Variants in UNC80 observed in about 807,000 individuals in gnomAD.
UNC80 encodes protein unc-80 homolog.
A neutral mutation model predicts 384.6 loss-of-function variants in UNC80; 164 were observed. That is an observed-to-expected ratio of 0.43 (90% CI 0.38 to 0.49). The LOEUF (loss-of-function observed/expected upper bound fraction) is 0.49. Among genes scored for constraint, UNC80 ranks in the 20% least tolerant of loss-of-function variants. The pLI is 0.00. For synonymous variants in UNC80, 1,486 were observed against 1,527.8 expected (o/e 0.97, Z 0.64); for missense variants, 3,330 against 4,143.0 (o/e 0.80, Z 5.39).
chr2:209,989,769 T>C (rs2093358618), intron 61 of UNC80, among the ~76,000 whole-genome samples: 1 of 152,202 alleles, frequency 6.6e-6, no homozygotes, highest in Non-Finnish European at 1.5e-5. Context: ...GGAGAGAAGC[T>C]AAACTGAAAC....
chr2:209,923,138 G>A (rs2090164110), intron 35 of UNC80, among the ~76,000 whole-genome samples: 1 of 152,182 alleles, frequency 6.6e-6, no homozygotes, highest in Non-Finnish European at 1.5e-5. Context: ...AGGCTGAGAA[G>A]CGAGTGTCTT....
At chr2:209,930,351 C>T (rs2090757333) in intron 37 of UNC80, among the ~76,000 whole-genome samples, 1 of 152,016 alleles carries the variant, frequency 6.6e-6, no homozygotes, top group African/African-American at 2.4e-5. Context: ...GTCAGACCAC[C>T]TTGTAAGAAG....
At chr2:209,874,045 C>G (rs2084549227) in intron 23 of UNC80, among the ~76,000 whole-genome samples, 1 of 151,908 alleles carries the variant, frequency 6.6e-6, no homozygotes, top group Non-Finnish European at 1.5e-5. Context: ...TGTCAATGAT[C>G]AACACTTAGC....
rs1419805161 is a variant in UNC80, at chr2:209,982,309, C to T, written c.9249C>T (p.Pro3083=). The change falls in exon 60 of 65, where the codon CCC becomes CCT. Residue 3083 remains proline (P), a synonymous_variant. Coordinates refer to ENST00000673920, the MANE Select transcript of UNC80 (RefSeq NM_001371986.1). Reference sequence around the variant, plus strand: ...CTCAGGCTGAGGTGGGCATGCTACCCAGCCAGAGGTAAACAGCTATGGTTA... The same window carrying T: ...CTCAGGCTGAGGTGGGCATGCTACCTAGCCAGAGGTAAACAGCTATGGTTA... ...SVPQAEVGML[P]SQSEPNVLDD... 6.4e-7 allele frequency: 1 copy of T among 1,551,108 alleles called. No homozygotes were observed. The highest frequency in any genetic ancestry group is 8.7e-7 in the Non-Finnish European group (1 of 1,146,748).
intron 41 of UNC80, 52 bp from the exon 42 acceptor site, chr2:209,937,477 G>T: frequency 3.0e-6 from 4 of 1,333,348 alleles, no homozygotes; most frequent in Non-Finnish European, 4.2e-6. Flanking sequence ...AATGAGAAAA[G>T]ATGTTTAATC....
chr2:209,785,788 C>G (rs1187769782), intron 4 of UNC80, among the ~76,000 whole-genome samples: 6 of 152,138 alleles, frequency 3.9e-5, no homozygotes, highest in African/African-American at 1.4e-4. Flanking sequence ...AAACACAAAA[C>G]AATAGTTTGT....
At chr2:209,784,769 C>T (rs1332129427) in intron 4 of UNC80, among the ~76,000 whole-genome samples, 5 of 152,114 alleles carry the variant, frequency 3.3e-5, no homozygotes, top group Non-Finnish European at 7.3e-5. Flanking sequence ...AGAATAGTAC[C>T]GGGTATATGG....
At chr2:209,879,456 A>G (rs1397446264) in intron 24 of UNC80, among the ~76,000 whole-genome samples, 1 of 152,186 alleles carries the variant, frequency 6.6e-6, no homozygotes, top group Non-Finnish European at 1.5e-5. Context: ...GTAGAACTCA[A>G]TCCTTGTTTA....
rs2153827732 is a variant in UNC80, at chr2:209,819,157, C to T, written c.1858C>T (p.Arg620Ter). Residue 620 changes from arginine to a stop codon, truncating the protein, a stop_gained, in exon 12 of 65, where the codon CGA (arginine) becomes TGA (stop). Transcript: ENST00000673920. LOFTEE classifies it high-confidence loss of function. ...ACCTCTGGCATGTGCTAACCTACCT[C>T]GAAGCCTCACAGACTCCTGCATAAA... ...HEPLACANLP[R>*]SLTDSCINYS... The T allele has an allele frequency of 4.5e-6, 7 of 1,552,176 alleles. No homozygotes were observed. Among genetic ancestry groups the T allele is most frequent in the South Asian group, 2.4e-5 (2 of 84,060 alleles).
At chr2:209,781,238 C>T (rs73074791) in intron 4 of UNC80, among the ~76,000 whole-genome samples, 22,284 of 152,056 alleles carry the variant, frequency 0.15, 2,453 homozygotes, top group African/African-American at 0.3. Flanking sequence ...ATTTTCACTG[C>T]CATTTCTAAT....
intron 20 of UNC80, among the ~76,000 whole-genome samples, chr2:209,841,652 AC>A (rs1474500577): frequency 6.6e-6 from 1 of 152,112 alleles, no homozygotes; most frequent in East Asian, 1.9e-4. Flanking sequence ...GCCCAGCCAA[AC>A]CAGTTTTCTT....
At chr2:209,947,173 G>C (rs1377725024) in intron 47 of UNC80, among the ~76,000 whole-genome samples, 1 of 152,098 alleles carries the variant, frequency 6.6e-6, no homozygotes, top group Non-Finnish European at 1.5e-5. Context: ...TTCCAGAATG[G>C]ATCAAATCCT....
At chr2:209,773,551 G>T (rs913143507) in intron 2 of UNC80, among the ~76,000 whole-genome samples, 1 of 152,170 alleles carries the variant, frequency 6.6e-6, no homozygotes, top group African/African-American at 2.4e-5. Context: ...TGAGGGAAGA[G>T]CAGAGGAAAC....
chr2:209,796,066 G>A (rs2078133466), intron 7 of UNC80: 2 of 152,258 alleles, frequency 1.3e-5, no homozygotes, highest in African/African-American at 2.4e-5. Context: ...TGTGAAAGCA[G>A]CCGAGAGGGA....
At chr2:209,841,022 T>TA (rs1172235923) in intron 20 of UNC80, among the ~76,000 whole-genome samples, 2 of 152,322 alleles carry the variant, frequency 1.3e-5, no homozygotes, top group East Asian at 3.9e-4. Context: ...AAGACACACA[T>TA]AATTCATCCT....
intron 22 of UNC80, among the ~76,000 whole-genome samples, chr2:209,863,498 G>C (rs1051553164): frequency 6.6e-6 from 1 of 151,922 alleles, no homozygotes; most frequent in Non-Finnish European, 1.5e-5. Context: ...GTCTTTTTAT[G>C]AAGTCCCATA....
chr2:209,772,839 T>G (rs1000141632), intron 1 of UNC80, among the ~76,000 whole-genome samples: 1 of 152,204 alleles, frequency 6.6e-6, no homozygotes, highest in African/African-American at 2.4e-5. Flanking sequence ...ACTGGCGATT[T>G]AAAATCTTAG....
chr2:209,954,829 G>A (rs147150326), intron 48 of UNC80, among the ~76,000 whole-genome samples: 1 of 152,088 alleles, frequency 6.6e-6, no homozygotes, highest in African/African-American at 2.4e-5. Flanking sequence ...TGCGGAGAGA[G>A]GATTGAGAAA....
chr2:209,801,217 T>A (rs1023457043), intron 7 of UNC80, among the ~76,000 whole-genome samples: 2 of 152,044 alleles, frequency 1.3e-5, no homozygotes, highest in African/African-American at 4.8e-5. Flanking sequence ...TAAGAACTTG[T>A]TTTATGAATC....
Sources: allele counts gnomAD v4.1 joint callset (sites outside exome capture counted in the v4.1 genomes callset), GRCh38; gene constraint gnomAD v4.1.1; transcripts MANE v1.5; gene names NCBI Gene and HGNC (gene_info 2026-07-23, HGNC 2026-07-21).